Variants in COX11 observed in about 807,000 individuals in gnomAD.
COX11 encodes the protein cytochrome c oxidase assembly protein COX11, mitochondrial.
In COX11, 18 loss-of-function variants were observed where a neutral mutation model predicts 29.4. That is an observed-to-expected ratio of 0.61 (90% CI 0.42 to 0.91). COX11 has a LOEUF of 0.91. COX11 is among the 40% of genes least tolerant of loss of function. The pLI, the probability that COX11 is intolerant of heterozygous loss-of-function variation, is 0.00. For missense variants in COX11, 312 were observed against 346.0 expected, an observed-to-expected ratio of 0.90 and a Z score of 0.78; for synonymous variants, 131 against 124.0, an observed-to-expected ratio of 1.06 and a Z score of -0.38.
At chr17:54,967,458 C>T (rs76564047) in intron 1 of COX11, among the ~76,000 whole-genome samples, 2,573 of 152,266 alleles carry the variant, frequency 0.017, 27 homozygotes, top group Non-Finnish European at 0.027. Flanking sequence ...AAATTATTAG[C>T]TAAGAACAAA....
At chr17:54,966,561 T>A (rs11869650) in intron 1 of COX11, among the ~76,000 whole-genome samples, 44,717 of 152,060 alleles carry the variant, frequency 0.29, 6,909 homozygotes, top group African/African-American at 0.35. Context: ...TAGATGCCAG[T>A]AGCACCCTAT....
chr17:54,954,614 T>C (rs768234162), exon 1 of COX11: 5 of 152,248 alleles, frequency 3.3e-5, no homozygotes, highest in Admixed American at 6.5e-5. Flanking sequence ...TGCCCCTGTA[T>C]TGGCCAAGGT....
At position 54,968,469 on chromosome 17, in the gene COX11, T is replaced by G; in HGVS notation, c.178A>C (p.Ser60Arg). 6.2e-7 allele frequency: 1 copy of G among 1,613,420 alleles called. No homozygotes were observed. Among genetic ancestry groups the G allele is most frequent in the Non-Finnish European group, 8.5e-7 (1 of 1,179,992 alleles). Residue 60 changes from serine (S) to arginine (R), a missense_variant, in exon 1 of 4, where the codon AGC becomes CGC. Ser to Arg is a moderately radical substitution (Grantham distance 110). Around this residue, in one of 2 missense-constraint regions of COX11, gnomAD observed 130 missense variants for 106.0 expected, o/e 1.23. Transcript: ENST00000299335. ...AATGCTGGATGCCGGGCTCGAAGGC[T>G]GCAGCGCTTCCATGTCCCAAGCCAC... is the stretch of plus-strand genomic sequence containing the variant. ...LRWLGTWKRC[S>R]LRARHPALQP...
exon 1 of COX11, chr17:54,954,833 A>G (rs193230569): frequency 6.6e-6 from 1 of 152,358 alleles, no homozygotes. Context: ...GGGCCATAAA[A>G]CATTGCATAT....
chr17:54,957,447 T>A (rs1443822644), downstream of COX11: 3 of 152,158 alleles, frequency 2.0e-5, no homozygotes, highest in Admixed American at 1.3e-4. Flanking sequence ...TCCAAACAGG[T>A]AGTGGAAAAG....
At chr17:54,957,310 T>C (rs2049563574), downstream of COX11, 1 of 152,248 alleles carries the variant, frequency 6.6e-6, no homozygotes, top group African/African-American at 2.4e-5. Flanking sequence ...CTAACTCAGG[T>C]TTGAGAAATT....
intron 1 of COX11, among the ~76,000 whole-genome samples, chr17:54,967,877 C>A (rs1214837586): frequency 2.0e-5 from 3 of 152,032 alleles, no homozygotes; most frequent in African/African-American, 7.3e-5. Context: ...TCCAGAGTTA[C>A]CCTTGGCACA....
Position 54,961,998 on chromosome 17 carries a change from A to C in COX11, c.*735T>G. The stretch of plus-strand genomic sequence containing the variant: ...TTTAACAAAGGTTTGTTTCCAGAAG[A>C]ACTTTTGATGTCAGTAAATCTTCAC... On this transcript the variant is annotated 3_prime_UTR_variant, in exon 4 of 4. Transcript: ENST00000299335. The C allele has an allele frequency of 1.0e-6, 1 of 980,490 alleles. No homozygotes were observed. Among genetic ancestry groups the C allele is most frequent in the Non-Finnish European group, 1.2e-6 (1 of 825,376 alleles). 60.7% of individuals were successfully genotyped at this position (980,490 alleles called of 1,614,324 possible).
chr17:54,967,298 A>C (rs2077252786), intron 1 of COX11, among the ~76,000 whole-genome samples: 1 of 152,108 alleles, frequency 6.6e-6, no homozygotes, highest in African/African-American at 2.4e-5. Flanking sequence ...TATCTTAAAC[A>C]CTTACTGAAT....
At chr17:54,957,429 T>A (rs913751900), downstream of COX11, 6 of 152,210 alleles carry the variant, frequency 3.9e-5, no homozygotes, top group African/African-American at 1.4e-4. Context: ...TTTTAATCAG[T>A]TTCTCCATCC....
intron 1 of COX11, among the ~76,000 whole-genome samples, chr17:54,967,092 C>G (rs1329974600): frequency 6.6e-6 from 1 of 150,884 alleles, no homozygotes; most frequent in African/African-American, 2.4e-5. Flanking sequence ...TGAACTCCAG[C>G]TAAGAATACC....
At position 54,962,620 on chromosome 17, in the gene COX11, AATT is replaced by A. The variant is rs1270184189; in HGVS notation, c.*110_*112del. The A allele has an allele frequency of 7.2e-7, 1 of 1,385,204 alleles. No individual in the cohort carries two copies. Among genetic ancestry groups the A allele is most frequent in the South Asian group, 1.6e-5 (1 of 61,576 alleles). The allele number at this position is 1,385,204 out of a possible 1,614,324, so 85.8% of individuals were successfully genotyped here. Reference sequence around the variant, plus strand: ...TGAAAAAAATTAGTTGAGAAAAAATAATTATTTAAAATATAAGCCTTCATATTA... The same window carrying A: ...TGAAAAAAATTAGTTGAGAAAAAATAATTTAAAATATAAGCCTTCATATTA... On this transcript the variant is annotated 3_prime_UTR_variant, in exon 4 of 4. Transcript: ENST00000299335.
intron 2 of COX11, 120 bp from the exon 3 acceptor site, chr17:54,963,551 G>A: frequency 2.1e-6 from 2 of 949,472 alleles, no homozygotes; most frequent in Non-Finnish European, 1.5e-6. Flanking sequence ...ATCTAATGTA[G>A]GGTTCAGCAA....
chr17:54,964,823 T>C lies in COX11; in HGVS notation c.396A>G (p.Ala132=). Residue 132 remains alanine (A), a synonymous_variant, in exon 2 of 4, where the codon GCA becomes GCG. Transcript: ENST00000299335. ...QTTGLGGSAV[A]GHASDKIENM... is the part of the protein sequence containing the mutation. The stretch of plus-strand genomic sequence containing the variant: ...TTTCAATCTTGTCTGAGGCATGACC[T>C]GCAACTGCTGATCCTCCAAGTCCAG... 1 of 1,613,140 alleles carries C rather than the reference T, an allele frequency of 6.2e-7. No individual in the cohort carries two copies. The highest frequency in any genetic ancestry group is 1.1e-5 in the South Asian group (1 of 91,038).
chr17:54,961,673 A>G lies in COX11; in HGVS notation c.*1060T>C. ...GGAAGAATACTGAGTGCCTTCATTTAACTAAAGTTGAATGTAAAAGTCAAT... is the reference window on the plus strand; with the variant it reads ...GGAAGAATACTGAGTGCCTTCATTTGACTAAAGTTGAATGTAAAAGTCAAT... On this transcript the variant is annotated 3_prime_UTR_variant, in exon 4 of 4. Coordinates refer to ENST00000299335, the MANE Select transcript of COX11 (RefSeq NM_004375.5). 1 of 1,057,086 alleles carries G rather than the reference A, an allele frequency of 9.5e-7. No homozygotes were observed. Among genetic ancestry groups the G allele is most frequent in the East Asian group, 8.8e-5 (1 of 11,428 alleles). 65.5% of individuals were successfully genotyped at this position (1,057,086 alleles called of 1,614,324 possible).
chr17:54,967,042 G>GCGCGCACA lies in COX11; in HGVS notation c.366+1238_366+1239insTGTGCGCG, dbSNP rs1310473186. Among the ~76,000 whole-genome samples the GCGCGCACA allele has an allele frequency of 3.5e-3, 335 of 96,102 alleles. 1 individual carries two copies. Among genetic ancestry groups the GCGCGCACA allele is most frequent in the East Asian group, 0.018 (73 of 4,046 alleles). 63.0% of individuals were successfully genotyped at this position (96,102 alleles called of 152,430 possible). A position where few individuals can be genotyped will look rare whatever the true frequency, so the allele number is the denominator to read the frequency against. Reference sequence around the variant, plus strand: ...TAAATAAATAAACGTGCGCGCGCGCGCACACACACACACACACACACACAC... The same window carrying GCGCGCACA: ...TAAATAAATAAACGTGCGCGCGCGCGCGCGCACACACACACACACACACACACACACAC... On this transcript the variant is annotated intron_variant, in intron 1 of 3. Transcript: ENST00000299335.
At position 54,961,135 on chromosome 17, in the gene COX11, T is replaced by G; in HGVS notation, c.*1598A>C. 1.2e-6 allele frequency: 1 copy of G among 842,174 alleles called. No individual in the cohort carries two copies. Among genetic ancestry groups the G allele is most frequent in the Non-Finnish European group, 2.0e-6 (1 of 510,946 alleles). 52.2% of individuals were successfully genotyped at this position (842,174 alleles called of 1,614,324 possible). On this transcript the variant is annotated 3_prime_UTR_variant, in exon 4 of 4. Transcript: ENST00000299335. ...CATTCTTACCTTTCTTCTACTAGACTGTGACTCTCCAGCTTCCCAGTAAAG... is the reference window on the plus strand; with the variant it reads ...CATTCTTACCTTTCTTCTACTAGACGGTGACTCTCCAGCTTCCCAGTAAAG...
intron 1 of COX11, among the ~76,000 whole-genome samples, chr17:54,966,273 A>T (rs1233743676): frequency 2.0e-5 from 3 of 152,224 alleles, no homozygotes; most frequent in Non-Finnish European, 4.4e-5. Flanking sequence ...AGTAAAATAG[A>T]CAAAAAGACT....
rs772202872 is a variant in COX11, at chr17:54,964,699, A to G, written c.520T>C (p.Tyr174His). The change falls in exon 2 of 4, where the codon TAT becomes CAT. Residue 174 changes from tyrosine to histidine, a missense_variant and splice_region_variant. By Grantham distance (83) the Tyr-to-His change is moderately conservative. This residue lies in a region of COX11 where 182 missense variants were observed against 240.0 expected (regional missense o/e 0.76). Coordinates refer to ENST00000299335, the MANE Select transcript of COX11 (RefSeq NM_004375.5). ...WNFRPQQTEIYVVPGETALAF... is the reference protein window; with the variant it reads ...WNFRPQQTEIHVVPGETALAF... ...TTAATGACTGGTTAGTCACTTACAT[A>G]TATTTCTGTTTGCTGAGGTCTAAAG... 8.1e-6 allele frequency: 13 copies of G among 1,613,448 alleles called. No homozygotes were observed. In the South Asian group the frequency reaches 9.9e-5, roughly 12 times the overall value.
Sources: allele counts gnomAD v4.1 joint callset (sites outside exome capture counted in the v4.1 genomes callset), GRCh38; gene constraint gnomAD v4.1.1; regional missense constraint gnomAD v4.1.1; transcripts MANE v1.5; gene names NCBI Gene and HGNC (gene_info 2026-07-23, HGNC 2026-07-21).